Variants in CDH13 observed in about 807,000 individuals in gnomAD.
CDH13 encodes the protein cadherin-13.
Under a neutral mutation model 63.8 loss-of-function variants are expected in CDH13, and 24 were observed. That is an observed-to-expected ratio of 0.38 (90% confidence interval 0.27 to 0.53). The LOEUF is 0.53. Among genes scored for constraint, CDH13 ranks in the 20% least tolerant of loss-of-function variants. The probability of loss-of-function intolerance (pLI) is 0.85; values close to 1 mark genes in which losing one functional copy is unlikely to be tolerated. For missense variants in CDH13, 1,049 were observed against 903.1 expected, an observed-to-expected ratio of 1.16 and a Z score of -2.07; for synonymous variants, 503 against 355.3, an observed-to-expected ratio of 1.42 and a Z score of -4.67.
At chr16:83,567,149 T>G (rs904138710) in intron 7 of CDH13, among the ~76,000 whole-genome samples, 1 of 152,198 alleles carries the variant, frequency 6.6e-6, no homozygotes, top group Non-Finnish European at 1.5e-5. Context: ...GATCCTTGAC[T>G]CCCCAGCCAG....
intron 1 of CDH13, among the ~76,000 whole-genome samples, chr16:82,775,951 T>C (rs2035476825): frequency 6.6e-6 from 1 of 152,168 alleles, no homozygotes; most frequent in African/African-American, 2.4e-5. Flanking sequence ...GGCTCACATC[T>C]GGAATCCCAG....
intron 10 of CDH13, among the ~76,000 whole-genome samples, chr16:83,687,501 C>T (rs767550138): frequency 2.0e-4 from 31 of 152,180 alleles, no homozygotes; most frequent in Non-Finnish European, 2.8e-4. Context: ...ATCCCGAAGA[C>T]GCCACCAAGG....
chr16:83,037,015 T>C (rs910446839), intron 3 of CDH13, among the ~76,000 whole-genome samples: 5 of 152,160 alleles, frequency 3.3e-5, no homozygotes, highest in African/African-American at 1.2e-4. Context: ...TAGATTGATA[T>C]GACAGGAGCT....
intron 11 of CDH13, among the ~76,000 whole-genome samples, chr16:83,771,997 G>A (rs773796080): frequency 2.6e-5 from 4 of 152,144 alleles, no homozygotes; most frequent in Admixed American, 6.6e-5. Flanking sequence ...TGCAGCTAAG[G>A]TTTGCTCCTG....
intron 11 of CDH13, among the ~76,000 whole-genome samples, chr16:83,775,754 A>C (rs1915067066): frequency 6.6e-6 from 1 of 152,094 alleles, no homozygotes; most frequent in Non-Finnish European, 1.5e-5. Context: ...GAAGTAAAAG[A>C]AAAGAAAGAG....
chr16:83,364,996 G>T (rs372135728), intron 6 of CDH13, among the ~76,000 whole-genome samples: 5 of 152,262 alleles, frequency 3.3e-5, no homozygotes, highest in African/African-American at 1.2e-4. Flanking sequence ...GGGTTGATAG[G>T]TGCAGCAAAC....
chr16:83,375,457 A>C (rs1032511799), intron 6 of CDH13, among the ~76,000 whole-genome samples: 1 of 152,180 alleles, frequency 6.6e-6, no homozygotes, highest in Non-Finnish European at 1.5e-5. Context: ...CTGACATCTT[A>C]TGAGTATCTG....
chr16:83,199,883 A>G (rs2038975185), intron 4 of CDH13, among the ~76,000 whole-genome samples: 1 of 152,154 alleles, frequency 6.6e-6, no homozygotes, highest in African/African-American at 2.4e-5. Context: ...GGCACATTAG[A>G]GCCAGCGTAC....
At chr16:83,679,700 T>G (rs760081312) in intron 10 of CDH13, among the ~76,000 whole-genome samples, 1 of 152,154 alleles carries the variant, frequency 6.6e-6, no homozygotes, top group African/African-American at 2.4e-5. Flanking sequence ...CTTAAGTACT[T>G]AGATGGGAAA....
chr16:82,694,553 C>G (rs1442371468), intron 1 of CDH13, among the ~76,000 whole-genome samples: 1 of 152,194 alleles, frequency 6.6e-6, no homozygotes, highest in African/African-American at 2.4e-5. Context: ...AATCTCCCCT[C>G]CTTCCCTTCC....
At chr16:82,689,981 C>CCAAAA (rs1915472581) in intron 1 of CDH13, among the ~76,000 whole-genome samples, 1 of 6,484 alleles carries the variant, frequency 1.5e-4, no homozygotes, top group African/African-American at 4.9e-4. Flanking sequence ...GCCATCTCTA[C>CCAAAA]TAAAAAAAAA....
chr16:83,182,300 C>G (rs542714465), intron 4 of CDH13, among the ~76,000 whole-genome samples: 3 of 152,308 alleles, frequency 2.0e-5, no homozygotes, highest in South Asian at 4.1e-4. Flanking sequence ...GCTCTGGTCT[C>G]CAGCTAAGGC....
chr16:83,326,540 C>G (rs1311421794), intron 5 of CDH13, among the ~76,000 whole-genome samples: 1 of 151,002 alleles, frequency 6.6e-6, no homozygotes, highest in Non-Finnish European at 1.5e-5. Context: ...TTCAACCGAA[C>G]AAAATTCAGA....
At chr16:83,034,334 C>T (rs890549335) in intron 3 of CDH13, among the ~76,000 whole-genome samples, 2 of 152,156 alleles carry the variant, frequency 1.3e-5, no homozygotes, top group African/African-American at 2.4e-5. Flanking sequence ...TCCCCTTCAG[C>T]ATCTGTGAAG....
chr16:83,743,861 C>T (rs1179666562), intron 10 of CDH13, among the ~76,000 whole-genome samples: 1 of 147,676 alleles, frequency 6.8e-6, no homozygotes, highest in Non-Finnish European at 1.5e-5. Flanking sequence ...GCACTCTACT[C>T]GGCCCTGGGG....
At chr16:82,963,764 C>G (rs1290751836) in intron 2 of CDH13, among the ~76,000 whole-genome samples, 2 of 152,190 alleles carry the variant, frequency 1.3e-5, no homozygotes, top group Admixed American at 6.5e-5. Flanking sequence ...GTGTTAGTGA[C>G]ATGCATGAAG....
At chr16:83,491,967 T>C (rs1314005533) in intron 7 of CDH13, among the ~76,000 whole-genome samples, 1 of 152,202 alleles carries the variant, frequency 6.6e-6, no homozygotes, top group African/African-American at 2.4e-5. Flanking sequence ...ATTTACTTGC[T>C]ATGAGATATT....
At chr16:83,318,835 C>G (rs2090160928) in intron 5 of CDH13, among the ~76,000 whole-genome samples, 1 of 152,066 alleles carries the variant, frequency 6.6e-6, no homozygotes, top group South Asian at 2.1e-4. Context: ...GAAGTCACTG[C>G]TGGGATTTTA....
At chr16:83,101,464 A>G (rs377466281) in intron 3 of CDH13, among the ~76,000 whole-genome samples, 1 of 150,754 alleles carries the variant, frequency 6.6e-6, no homozygotes, top group East Asian at 1.9e-4. Flanking sequence ...AATAAAGCAC[A>G]GGAGGGGAAA....
Sources: gnomAD v4.1 joint callset for allele counts (sites outside exome capture counted in the v4.1 genomes callset) on GRCh38, gnomAD v4.1.1 for gene constraint, MANE v1.5 for transcripts, NCBI Gene and HGNC (gene_info 2026-07-23, HGNC 2026-07-21) for gene names.